EYA1: variants seen among roughly 807,000 people sequenced by gnomAD.
The protein encoded by EYA1 is EYA transcriptional coactivator and phosphatase 1, also known as protein phosphatase EYA1.
Under a neutral mutation model 82.0 loss-of-function variants are expected in EYA1, and 16 were observed. That is an observed-to-expected ratio of 0.20 (90% CI 0.13 to 0.30). EYA1 has a LOEUF of 0.30. EYA1 is among the 10% of genes least tolerant of loss of function. The pLI is 1.00. For synonymous variants in EYA1, 261 were observed against 264.4 expected, an observed-to-expected ratio of 0.99 and a Z score of 0.12; for missense variants, 633 against 730.7, an observed-to-expected ratio of 0.87 and a Z score of 1.54.
upstream of EYA1, among the ~76,000 whole-genome samples, chr8:71,366,647 G>A (rs921497170): frequency 1.3e-5 from 2 of 152,194 alleles, no homozygotes; most frequent in African/African-American, 4.8e-5. Flanking sequence ...GGAAAGAAGG[G>A]AATTAGCATT....
rs199972984 is a variant in EYA1 at position 71,271,521 on chromosome 8, TAGAG to T, written c.966+233_966+236del. Among the ~76,000 whole-genome samples, 4,496 of 152,306 alleles carry T rather than the reference TAGAG, an allele frequency of 0.03. 110 individuals are homozygous for T. Among genetic ancestry groups the T allele is most frequent in the Non-Finnish European group, 0.038 (2,598 of 68,026 alleles). ...AATTGCATAATTTACTATATTTCTT[TAGAG>T]AGAAACAGACCCTTTGCCATATAGT... On this transcript the variant is annotated intron_variant, in intron 10 of 17. Coordinates refer to ENST00000340726, the MANE Select transcript of EYA1 (RefSeq NM_000503.6).
At chr8:71,468,029 A>G (rs1036736046) in intron 2 of EYA1, among the ~76,000 whole-genome samples, 4 of 152,126 alleles carry the variant, frequency 2.6e-5, no homozygotes. Flanking sequence ...GGTATAACTG[A>G]TCCAAGGGCA....
At position 71,344,633 on chromosome 8, in the gene EYA1, T is replaced by C. The variant is rs1260783311; in HGVS notation, c.124+10149A>G. On this transcript the variant is annotated intron_variant, in intron 3 of 17. Coordinates refer to ENST00000340726, the MANE Select transcript of EYA1 (RefSeq NM_000503.6). ...CAAAAAGCCCAGTGTTTTATGAATA[T>C]GGTTTTATCATCCTTAATCATTCCT... is the stretch of plus-strand genomic sequence containing the variant. Among the ~76,000 whole-genome samples the C allele has an allele frequency of 2.6e-5, 4 of 152,252 alleles. No homozygotes were observed. In the South Asian group the frequency reaches 8.3e-4, roughly 31 times the overall value.
At chr8:71,411,523 C>G (rs2129140630) in intron 2 of EYA1, among the ~76,000 whole-genome samples, 1 of 142,098 alleles carries the variant, frequency 7.0e-6, no homozygotes, top group Admixed American at 7.0e-5. Context: ...TGAACTCAAA[C>G]AAATTTGCAA....
At chr8:71,272,000 T>C in intron 9 of EYA1, 103 bp from the exon 10 acceptor site, 1 of 1,200,822 alleles carries the variant, frequency 8.3e-7, no homozygotes, top group Non-Finnish European at 1.2e-6. Context: ...GTAAAGCACA[T>C]TTCATTCTGC....
intron 11 of EYA1, among the ~76,000 whole-genome samples, chr8:71,245,775 C>T (rs982251397): frequency 2.6e-5 from 4 of 152,166 alleles, no homozygotes; most frequent in African/African-American, 9.7e-5. Flanking sequence ...GTGATGGCCA[C>T]TCTGACCCCA....
chr8:71,539,500 G>A (rs1021589506), intron 1 of EYA1, among the ~76,000 whole-genome samples: 37 of 152,152 alleles, frequency 2.4e-4, no homozygotes, highest in Non-Finnish European at 4.4e-5. Flanking sequence ...GTGGCATGAG[G>A]AACAGCAGAA....
chr8:71,466,652 C>G lies in EYA1; in HGVS notation c.33+69092G>C, dbSNP rs555805103. Reference sequence around the variant, plus strand: ...ATAAATTTATGACCACAGATTTATACCTCTCGACAAAATGTTTCCCAATGG... The same window carrying G: ...ATAAATTTATGACCACAGATTTATAGCTCTCGACAAAATGTTTCCCAATGG... On this transcript the variant is annotated intron_variant, in intron 2 of 18. Coordinates refer to the EYA1 transcript ENST00000643681. Among the ~76,000 whole-genome samples the G allele has an allele frequency of 1.9e-4, 29 of 152,200 alleles. 1 individual carries two copies. The highest frequency in any genetic ancestry group is 5.8e-4 in the African/African-American group (24 of 41,546).
At chr8:71,355,346 C>T (rs1158375753) in intron 2 of EYA1, among the ~76,000 whole-genome samples, 1 of 152,178 alleles carries the variant, frequency 6.6e-6, no homozygotes, top group Non-Finnish European at 1.5e-5. Context: ...GAATCTGTTT[C>T]ATCTAATAAA....
intron 2 of EYA1, among the ~76,000 whole-genome samples, chr8:71,356,105 T>G (rs1826848891): frequency 6.6e-6 from 1 of 152,198 alleles, no homozygotes; most frequent in South Asian, 2.1e-4. Context: ...GGGTATCAGT[T>G]TTTAAAACAG....
chr8:71,480,751 G>A (rs1257849574), intron 2 of EYA1, among the ~76,000 whole-genome samples: 7 of 151,642 alleles, frequency 4.6e-5, no homozygotes, highest in Admixed American at 1.3e-4. Context: ...GATAGTTTAC[G>A]TTTCCATTTT....
At chr8:71,402,406 T>C (rs1209817743) in intron 2 of EYA1, among the ~76,000 whole-genome samples, 1 of 152,136 alleles carries the variant, frequency 6.6e-6, no homozygotes, top group African/African-American at 2.4e-5. Flanking sequence ...ACACTTAACA[T>C]GAAAGGTATG....
At chr8:71,425,896 TA>T (rs1176496246) in intron 2 of EYA1, among the ~76,000 whole-genome samples, 1 of 152,230 alleles carries the variant, frequency 6.6e-6, no homozygotes, top group African/African-American at 2.4e-5. Flanking sequence ...CGTGAAATTC[TA>T]AGACCAATGC....
At chr8:71,202,263 C>T (rs1397585124) in intron 17 of EYA1, among the ~76,000 whole-genome samples, 2 of 151,688 alleles carry the variant, frequency 1.3e-5, no homozygotes, top group Non-Finnish European at 2.9e-5. Context: ...AAAAAAAATC[C>T]AGCTACTTCT....
intron 2 of EYA1, among the ~76,000 whole-genome samples, chr8:71,435,732 C>T (rs1050157434): frequency 7.9e-5 from 12 of 152,092 alleles, no homozygotes; most frequent in African/African-American, 2.4e-4. Context: ...CACAATTTCA[C>T]GGAGAGGCTC....
At chr8:71,358,274 T>G (rs1356300255) in intron 1 of EYA1, among the ~76,000 whole-genome samples, 1 of 152,198 alleles carries the variant, frequency 6.6e-6, no homozygotes, top group African/African-American at 2.4e-5. Flanking sequence ...AAAACAAGAA[T>G]TAGTCTACCA....
chr8:71,501,306 C>A (rs1382796593), intron 2 of EYA1, among the ~76,000 whole-genome samples: 1 of 152,164 alleles, frequency 6.6e-6, no homozygotes, highest in Non-Finnish European at 1.5e-5. Context: ...TTGCCTGGAG[C>A]AGTCTTGCCC....
intron 2 of EYA1, among the ~76,000 whole-genome samples, chr8:71,388,327 G>A (rs529214859): frequency 1.1e-4 from 16 of 152,276 alleles, no homozygotes; most frequent in African/African-American, 3.4e-4. Flanking sequence ...ATTGTTATCT[G>A]GAATGAGTGA....
At chr8:71,281,167 A>G (rs1554534164) in intron 9 of EYA1, among the ~76,000 whole-genome samples, 1 of 152,130 alleles carries the variant, frequency 6.6e-6, no homozygotes, top group Non-Finnish European at 1.5e-5. Context: ...CACTGGATCT[A>G]ATCTACCCAT....
Sources: gnomAD v4.1 joint callset for allele counts (sites outside exome capture counted in the v4.1 genomes callset) on GRCh38, gnomAD v4.1.1 for gene constraint, MANE v1.5 for transcripts, NCBI Gene and HGNC (gene_info 2026-07-23, HGNC 2026-07-21) for gene names.